NGEF: variants seen among roughly 807,000 people sequenced by gnomAD.
NGEF encodes ephexin-1.
NGEF carries 31 observed loss-of-function variants against 80.9 expected under a neutral mutation model. The observed-to-expected ratio is 0.38, with a 90% confidence interval of 0.29 to 0.52. NGEF has a LOEUF of 0.52. Ranked by LOEUF, NGEF falls within the 20% of genes least tolerant of loss-of-function variation. The pLI is 0.84. For synonymous variants in NGEF, 371 were observed against 370.2 expected, an observed-to-expected ratio of 1.00 and a Z score of -0.03; for missense variants, 709 against 926.2, an observed-to-expected ratio of 0.77 and a Z score of 3.04.
At chr2:233,007,542 T>C (rs1031665740) in intron 1 of NGEF, among the ~76,000 whole-genome samples, 1 of 152,234 alleles carries the variant, frequency 6.6e-6, no homozygotes, top group African/African-American at 2.4e-5. Context: ...GCTTTTAACC[T>C]GGCAGGACCC....
At position 232,944,128 on chromosome 2, in the gene NGEF, G is replaced by C. The variant is rs150584739; in HGVS notation, c.384-16942C>G. Among the ~76,000 whole-genome samples the C allele has an allele frequency of 4.3e-3, 650 of 152,142 alleles. 5 individuals carry two copies. The highest frequency in any genetic ancestry group is 0.015 in the African/African-American group (628 of 41,510). Reference sequence around the variant, plus strand: ...ACACACCTGTAATCCCAGCTACTTGGGAGGCTGAGGCAGGAGAATTGCTTG... The same window carrying C: ...ACACACCTGTAATCCCAGCTACTTGCGAGGCTGAGGCAGGAGAATTGCTTG... On this transcript the variant is annotated intron_variant, in intron 3 of 14. Coordinates refer to ENST00000264051, the MANE Select transcript of NGEF (RefSeq NM_019850.3).
chr2:232,885,415 C>G (rs1039260798), intron 9 of NGEF, 46 bp from the exon 10 acceptor site: 2 of 1,526,046 alleles, frequency 1.3e-6, no homozygotes, highest in African/African-American at 1.4e-5. Context: ...GCCGGCTGTC[C>G]CGGCCCCTTC....
At chr2:232,942,218 C>A (rs968022392) in intron 3 of NGEF, among the ~76,000 whole-genome samples, 5 of 152,204 alleles carry the variant, frequency 3.3e-5, no homozygotes, top group African/African-American at 1.2e-4. Context: ...TCTCCTGGAG[C>A]ACTTCACCTG....
In NGEF at chr2:232,927,096, C is replaced by T. The variant is rs760792725; in HGVS notation, c.474G>A (p.Arg158=). Residue 158 remains arginine, a synonymous_variant, in exon 4 of 15, where the codon CGG becomes CGA. Transcript: ENST00000264051. ...AGTCGGCGGGAATGGGGTGGATCAT[C>T]CGCAGGGCCTCGGTGAGCGTGGTGG... ...DSPTTLTEAL[R]MIHPIPADSW... is the part of the protein sequence containing the mutation. The T allele has an allele frequency of 2.4e-5, 39 of 1,613,720 alleles. No homozygotes were observed. Among genetic ancestry groups the T allele is most frequent in the Non-Finnish European group, 3.3e-5 (39 of 1,179,968 alleles).
chr2:232,983,406 C>T (rs72980006), intron 1 of NGEF, among the ~76,000 whole-genome samples: 7,935 of 151,710 alleles, frequency 0.052, 704 homozygotes, highest in African/African-American at 0.18. Context: ...CAGAAAGCAG[C>T]AGTTTGGTGC....
At chr2:232,969,501 C>G (rs1485679519) in intron 3 of NGEF, among the ~76,000 whole-genome samples, 3 of 139,820 alleles carry the variant, frequency 2.1e-5, no homozygotes, top group Non-Finnish European at 4.6e-5. Flanking sequence ...CCCTCCCTCC[C>G]TCCCTCCCCT....
At chr2:232,900,856 G>T (rs547190178) in intron 5 of NGEF, among the ~76,000 whole-genome samples, 10 of 152,310 alleles carry the variant, frequency 6.6e-5, no homozygotes, top group Non-Finnish European at 1.3e-4. Flanking sequence ...GCTGCCCGTG[G>T]GGCCAGGACC....
At chr2:232,939,015 TAAAAATACA>T (rs1693386387) in intron 3 of NGEF, among the ~76,000 whole-genome samples, 1 of 151,584 alleles carries the variant, frequency 6.6e-6, no homozygotes, top group African/African-American at 2.4e-5. Context: ...CCATCTCTAC[TAAAAATACA>T]AAAATTAGCT....
At chr2:232,881,515 C>T (rs1691504496) in intron 13 of NGEF, among the ~76,000 whole-genome samples, 1 of 152,098 alleles carries the variant, frequency 6.6e-6, no homozygotes, top group Admixed American at 6.5e-5. Flanking sequence ...GGATATGGCC[C>T]TGGGTGTGGT....
chr2:232,890,489 T>G (rs184955311), intron 8 of NGEF, among the ~76,000 whole-genome samples: 68 of 152,224 alleles, frequency 4.5e-4, no homozygotes, highest in African/African-American at 1.6e-3. Flanking sequence ...CCTGCCCAAC[T>G]TCTCCCTTTA....
chr2:232,911,173 A>G lies in NGEF; in HGVS notation c.828+9111T>C, dbSNP rs73102744. 6.1e-3 allele frequency among the ~76,000 whole-genome samples: 931 copies of G among 152,292 alleles called. 13 individuals carry two copies. The highest frequency in any genetic ancestry group is 0.021 in the African/African-American group (880 of 41,572). ...GATCCATTTTGAGTTAATTTTTGTT[A>G]TGAGGCATGAGGTTTAGGTTGAGGT... is the stretch of plus-strand genomic sequence containing the variant. On this transcript the variant is annotated intron_variant, in intron 5 of 14. Coordinates refer to ENST00000264051, the MANE Select transcript of NGEF (RefSeq NM_019850.3).
At chr2:233,004,600 G>A (rs754928916) in intron 1 of NGEF, among the ~76,000 whole-genome samples, 3 of 152,148 alleles carry the variant, frequency 2.0e-5, no homozygotes, top group Non-Finnish European at 4.4e-5. Context: ...CCCAAACCTG[G>A]TCCTTTGTGG....
chr2:232,920,389 C>T lies in NGEF; in HGVS notation c.723G>A (p.Leu241=). ...PERKTLPQIC[L]LSNPHSRFNL... is the part of the protein sequence containing the mutation. ...TGAACCTTGAGTGGGGGTTACTGAGCAGGCAGATCTGGGGCAGAGTCTTCC... is the reference window on the plus strand; with the variant it reads ...TGAACCTTGAGTGGGGGTTACTGAGTAGGCAGATCTGGGGCAGAGTCTTCC... Residue 241 remains leucine (L), a synonymous_variant, in exon 5 of 15, where the codon CTG becomes CTA. Coordinates refer to ENST00000264051, the MANE Select transcript of NGEF (RefSeq NM_019850.3). 1 of 1,614,110 alleles carries T rather than the reference C, an allele frequency of 6.2e-7. No individual in the cohort carries two copies. The highest frequency in any genetic ancestry group is 8.5e-7 in the Non-Finnish European group (1 of 1,179,992).
chr2:232,888,520 T>C (rs2106223653), intron 8 of NGEF, among the ~76,000 whole-genome samples: 1 of 147,234 alleles, frequency 6.8e-6, no homozygotes. Flanking sequence ...TACAAGCATG[T>C]GTGCGCACAC....
intron 4 of NGEF, among the ~76,000 whole-genome samples, chr2:232,922,025 G>A (rs1692958102): frequency 6.6e-6 from 1 of 152,182 alleles, no homozygotes; most frequent in Non-Finnish European, 1.5e-5. Context: ...ATGTACCCAG[G>A]CACCCAGGTG....
In NGEF at chr2:232,928,341, G is replaced by A. The variant is rs1288953613; in HGVS notation, c.384-1155C>T. ...CCGCGGGCTCGCGCCTTCCTCCCCC[G>A]CGCCGCCGTGCCCCGACCCGGAGAG... On this transcript the variant is annotated intron_variant, in intron 3 of 14. Coordinates refer to ENST00000264051, the MANE Select transcript of NGEF (RefSeq NM_019850.3). 4.0e-5 allele frequency among the ~76,000 whole-genome samples: 6 copies of A among 150,768 alleles called. No homozygotes were observed. The East Asian group carries it at 1.2e-3, about 29-fold the overall frequency.
At chr2:232,968,595 G>T (rs1323337654) in intron 3 of NGEF, among the ~76,000 whole-genome samples, 1 of 151,976 alleles carries the variant, frequency 6.6e-6, no homozygotes. Context: ...TAGTAGAGAT[G>T]GGGTTTCACC....
intron 5 of NGEF, among the ~76,000 whole-genome samples, chr2:232,906,813 G>C (rs1274444910): frequency 6.6e-6 from 1 of 151,806 alleles, no homozygotes; most frequent in East Asian, 1.9e-4. Context: ...AGACATGGGA[G>C]ACTTTTCATT....
At chr2:233,011,353 G>A (rs1695199116) in intron 1 of NGEF, among the ~76,000 whole-genome samples, 1 of 152,160 alleles carries the variant, frequency 6.6e-6, no homozygotes, top group African/African-American at 2.4e-5. Flanking sequence ...ATGGGCCCAT[G>A]TAGATGGGGA....
Sources: gnomAD v4.1 joint callset for allele counts (sites outside exome capture counted in the v4.1 genomes callset) on GRCh38, gnomAD v4.1.1 for gene constraint, MANE v1.5 for transcripts, NCBI Gene and HGNC (gene_info 2026-07-23, HGNC 2026-07-21) for gene names.